TENM2: variants seen among roughly 807,000 people sequenced by gnomAD.
The protein encoded by TENM2 is teneurin-2.
A neutral mutation model predicts 245.2 loss-of-function variants in TENM2; 52 were observed. The ratio of observed to expected loss-of-function variants is 0.21; its 90% confidence interval spans 0.17 to 0.27. TENM2 has a LOEUF of 0.27. TENM2 is among the 10% of genes least tolerant of loss of function. The pLI is 1.00. For synonymous variants in TENM2, 1,363 were observed against 1,438.9 expected (o/e 0.95, Z 1.19); for missense variants, 3,046 against 3,666.8 (o/e 0.83, Z 4.37).
intron 2 of TENM2, among the ~76,000 whole-genome samples, chr5:167,477,550 A>G (rs1432879): frequency 0.12 from 18,596 of 152,132 alleles, 1,638 homozygotes; most frequent in Non-Finnish European, 0.16. Context: ...ACAGTTTCAC[A>G]TTATTGCATT....
chr5:167,913,091 C>T (rs937035625), intron 3 of TENM2, among the ~76,000 whole-genome samples: 1 of 152,162 alleles, frequency 6.6e-6, no homozygotes, highest in Non-Finnish European at 1.5e-5. Flanking sequence ...GCAACCTCAG[C>T]GAGATAGAGC....
At chr5:167,414,350 A>G (rs1414211277) in intron 2 of TENM2, among the ~76,000 whole-genome samples, 2 of 152,188 alleles carry the variant, frequency 1.3e-5, no homozygotes, top group South Asian at 2.1e-4. Flanking sequence ...TGGTAAATAC[A>G]TATTTTATAA....
chr5:167,588,747 C>G (rs965412686), intron 2 of TENM2, among the ~76,000 whole-genome samples: 1 of 152,092 alleles, frequency 6.6e-6, no homozygotes, highest in Non-Finnish European at 1.5e-5. Context: ...GTAGATAGAA[C>G]CTATGTAGAA....
the TENM2 span, among the ~76,000 whole-genome samples, chr5:167,100,971 G>A: frequency 6.6e-6 from 1 of 152,226 alleles, no homozygotes; most frequent in Non-Finnish European, 1.5e-5. Flanking sequence ...ATTGAAAGAA[G>A]TAATGCTGCA....
At chr5:167,544,369 A>G (rs1047335677) in intron 2 of TENM2, among the ~76,000 whole-genome samples, 5 of 152,196 alleles carry the variant, frequency 3.3e-5, no homozygotes, top group Non-Finnish European at 2.9e-5. Flanking sequence ...CCTATTACAT[A>G]GCATGAAAAT....
At chr5:167,590,177 C>T (rs10516033) in intron 2 of TENM2, among the ~76,000 whole-genome samples, 8,280 of 151,708 alleles carry the variant, frequency 0.055, 544 homozygotes, top group East Asian at 0.16. Flanking sequence ...TATTCATAGC[C>T]AATATTTTTT....
chr5:167,551,135 A>C (rs1772913317), intron 2 of TENM2, among the ~76,000 whole-genome samples: 1 of 152,158 alleles, frequency 6.6e-6, no homozygotes, highest in African/African-American at 2.4e-5. Context: ...TACTTATGAA[A>C]ATCCCTTGAG....
chr5:167,584,764 G>T (rs200110824), intron 2 of TENM2, among the ~76,000 whole-genome samples: 1 of 150,880 alleles, frequency 6.6e-6, no homozygotes, highest in African/African-American at 2.4e-5. Flanking sequence ...GCACAATCTC[G>T]GCTCACTGCA....
At chr5:167,327,142 A>G (rs1261283197) in intron 1 of TENM2, among the ~76,000 whole-genome samples, 1 of 152,158 alleles carries the variant, frequency 6.6e-6, no homozygotes, top group African/African-American at 2.4e-5. Flanking sequence ...GTCATTTAGC[A>G]TTAGATATAT....
At chr5:167,434,793 A>G (rs1013665669) in intron 2 of TENM2, among the ~76,000 whole-genome samples, 5 of 152,192 alleles carry the variant, frequency 3.3e-5, no homozygotes, top group Non-Finnish European at 5.9e-5. Flanking sequence ...GCCATAATAT[A>G]TTATTATTTA....
chr5:167,499,137 G>T (rs1562004738), intron 2 of TENM2, among the ~76,000 whole-genome samples: 1 of 151,922 alleles, frequency 6.6e-6, no homozygotes, highest in Non-Finnish European at 1.5e-5. Context: ...CCCTTCCTCT[G>T]TGTCCCGTGG....
intron 25 of TENM2, among the ~76,000 whole-genome samples, chr5:168,233,807 G>A (rs1399121208): frequency 6.6e-6 from 1 of 152,182 alleles, no homozygotes; most frequent in Non-Finnish European, 1.5e-5. Context: ...GGAGGCAAAA[G>A]GCACTTCTTA....
intron 2 of TENM2, among the ~76,000 whole-genome samples, chr5:167,573,362 T>C (rs1774409675): frequency 6.6e-6 from 1 of 152,168 alleles, no homozygotes; most frequent in Non-Finnish European, 1.5e-5. Context: ...ACCTGGGAGA[T>C]ACACGAATGT....
At chr5:168,025,977 C>A (rs549717502) in intron 5 of TENM2, among the ~76,000 whole-genome samples, 7 of 152,182 alleles carry the variant, frequency 4.6e-5, no homozygotes, top group African/African-American at 1.7e-4. Context: ...GGCTCACTTG[C>A]GATGGGGAAC....
chr5:167,943,990 T>A (rs1315112242), intron 3 of TENM2, among the ~76,000 whole-genome samples: 1 of 152,202 alleles, frequency 6.6e-6, no homozygotes, highest in Non-Finnish European at 1.5e-5. Flanking sequence ...TGGTCTTTTT[T>A]ATTTTGTCTT....
chr5:167,205,288 C>G, the TENM2 span, among the ~76,000 whole-genome samples: 1 of 152,020 alleles, frequency 6.6e-6, no homozygotes, highest in African/African-American at 2.4e-5. Flanking sequence ...GGCTGAGGCA[C>G]GAGAATCGCT....
chr5:166,993,036 C>A, the TENM2 span, among the ~76,000 whole-genome samples: 7 of 152,028 alleles, frequency 4.6e-5, no homozygotes, highest in Admixed American at 2.6e-4. Context: ...TCCCCTCCCC[C>A]ACTCCTGCTT....
At chr5:167,109,032 A>C in the TENM2 span, among the ~76,000 whole-genome samples, 1 of 152,200 alleles carries the variant, frequency 6.6e-6, no homozygotes. Context: ...AGGAATTTCT[A>C]ATGAAAAGGC....
At chr5:168,079,943 A>G (rs1044943174) in intron 7 of TENM2, among the ~76,000 whole-genome samples, 1 of 152,232 alleles carries the variant, frequency 6.6e-6, no homozygotes, top group Non-Finnish European at 1.5e-5. Context: ...TCCTGGCCCC[A>G]TAAAATGAGT....
Sources: gnomAD v4.1 joint callset for allele counts (sites outside exome capture counted in the v4.1 genomes callset) on GRCh38, gnomAD v4.1.1 for gene constraint, MANE v1.5 for transcripts, NCBI Gene and HGNC (gene_info 2026-07-23, HGNC 2026-07-21) for gene names.